The following TRIM59 variants were observed in gnomAD, a reference collection of about 807,000 sequenced individuals.
TRIM59 encodes the protein tripartite motif-containing protein 59.
Under a neutral mutation model 32.2 loss-of-function variants are expected in TRIM59, and 14 were observed. That is an observed-to-expected ratio of 0.43 (90% CI 0.29 to 0.68). The LOEUF (loss-of-function observed/expected upper bound fraction) is 0.68, where lower values mean the gene tolerates loss of function less well. Ranked by LOEUF, TRIM59 falls within the 30% of genes least tolerant of loss-of-function variation. TRIM59 has a pLI of 0.15. For missense variants in TRIM59, 471 were observed against 463.3 expected (o/e 1.02, Z -0.15); for synonymous variants, 163 against 155.1 (o/e 1.05, Z -0.38).
rs1020096623 is a variant in TRIM59 at position 160,435,513 on chromosome 3, AAAG to A, written c.*2456_*2458del. Reference sequence around the variant, plus strand: ...TTAAGACAGTGCAAATAAAATATCAAAAGAAGTTTATTAAAATACATATTTTGT... The same window carrying A: ...TTAAGACAGTGCAAATAAAATATCAAAAGTTTATTAAAATACATATTTTGT... On this transcript the variant is annotated 3_prime_UTR_variant, in exon 3 of 3. Coordinates refer to ENST00000309784, the MANE Select transcript of TRIM59 (RefSeq NM_173084.3). 4.1e-5 allele frequency: 7 copies of A among 171,596 alleles called. No individual in the cohort carries two copies. Among genetic ancestry groups the A allele is most frequent in the East Asian group, 1.7e-4 (1 of 5,794 alleles). The allele number at this position is 171,596 out of a possible 1,614,324, so 10.6% of individuals were successfully genotyped here.
Position 160,436,177 on chromosome 3 carries a change from C to T in TRIM59, c.*1795G>A. 1 of 1,015,030 alleles carries T rather than the reference C, an allele frequency of 9.9e-7. No homozygotes were observed. The highest frequency in any genetic ancestry group is 1.2e-6 in the Non-Finnish European group (1 of 847,228). The allele number at this position is 1,015,030 out of a possible 1,614,324, so 62.9% of individuals were successfully genotyped here. A position where few individuals can be genotyped will look rare whatever the true frequency, so the allele number is the denominator to read the frequency against. On this transcript the variant is annotated 3_prime_UTR_variant, in exon 3 of 3. Coordinates refer to ENST00000309784, the MANE Select transcript of TRIM59 (RefSeq NM_173084.3). ...TAATAAATTGATATAATACAGTCAT[C>T]TTAGTGTTAAGACTTATTCTCAGCA...
Position 160,435,553 on chromosome 3 carries a change from C to A in TRIM59, c.*2419G>T. 6.0e-6 allele frequency: 1 copy of A among 167,802 alleles called. No homozygotes were observed. The highest frequency in any genetic ancestry group is 1.3e-5 in the Non-Finnish European group (1 of 77,578). 10.4% of individuals were successfully genotyped at this position (167,802 alleles called of 1,614,324 possible). On this transcript the variant is annotated 3_prime_UTR_variant, in exon 3 of 3. Coordinates refer to ENST00000309784, the MANE Select transcript of TRIM59 (RefSeq NM_173084.3). ...AATACATATTTTGTTATACATAAAA[C>A]TTAGAAATATTTCAAGATTTACATA... is the stretch of plus-strand genomic sequence containing the variant.
Position 160,449,735 on chromosome 3 carries a change from C to A in TRIM59, c.-92G>T, listed in dbSNP as rs1308950158. On this transcript the variant is annotated 5_prime_UTR_variant, in exon 1 of 3. Transcript: ENST00000309784. The stretch of plus-strand genomic sequence containing the variant: ...GACTCACCGCGGGGAGGAAGCGGAC[C>A]AGGCAACTCCACAGCACGGAAACAC... 7.8e-7 allele frequency: 1 copy of A among 1,289,920 alleles called. No homozygotes were observed. The highest frequency in any genetic ancestry group is 1.0e-6 in the Non-Finnish European group (1 of 988,908). 79.9% of individuals were successfully genotyped at this position (1,289,920 alleles called of 1,614,324 possible).
At position 160,437,662 on chromosome 3, in the gene TRIM59, G is replaced by T; in HGVS notation, c.*310C>A. ...CCAATTAACTGCAGTATATAATAAT[G>T]GTAAAAGACAATATTGGTACAAGAA... On this transcript the variant is annotated 3_prime_UTR_variant, in exon 3 of 3. Coordinates refer to ENST00000309784, the MANE Select transcript of TRIM59 (RefSeq NM_173084.3). 9.8e-7 allele frequency: 1 copy of T among 1,021,664 alleles called. No homozygotes were observed. Among genetic ancestry groups the T allele is most frequent in the Non-Finnish European group, 1.2e-6 (1 of 853,794 alleles). 63.3% of individuals were successfully genotyped at this position (1,021,664 alleles called of 1,614,324 possible).
At chr3:160,448,666 CATACACTCTGTAAAAA>C (rs1719662899) in intron 2 of TRIM59, 44 bp downstream of exon 2, 1 of 1,004,902 alleles carries the variant, frequency 1.0e-6, no homozygotes, top group African/African-American at 1.7e-5. Context: ...TAGTTTAAAT[CATACACTCTGTAAAAA>C]CTTAATTGTT....
At position 160,436,464 on chromosome 3, in the gene TRIM59, G is replaced by C. The variant is rs1444996286; in HGVS notation, c.*1508C>G. 4.1e-6 allele frequency: 4 copies of C among 985,752 alleles called. No individual in the cohort carries two copies. In the African/African-American group the frequency reaches 7.0e-5, roughly 17 times the overall value. The allele number at this position is 985,752 out of a possible 1,614,324, so 61.1% of individuals were successfully genotyped here. ...AGTCCCTGTTAAAGGGAACTAAAGG[G>C]CTTTGATTTAATTGGCCCTCTTAAG... On this transcript the variant is annotated 3_prime_UTR_variant, in exon 3 of 3. Coordinates refer to ENST00000309784, the MANE Select transcript of TRIM59 (RefSeq NM_173084.3).
At chr3:160,448,897 T>A in intron 1 of TRIM59, 102 bp from the exon 2 acceptor site, 4 of 566,612 alleles carry the variant, frequency 7.1e-6, no homozygotes, top group Non-Finnish European at 1.1e-5. Context: ...TTCACGATGC[T>A]TCATCGTGTT....
chr3:160,439,252 G>A, intron 2 of TRIM59, 66 bp from the exon 3 acceptor site: 2 of 1,302,886 alleles, frequency 1.5e-6, no homozygotes, highest in South Asian at 2.2e-5. Flanking sequence ...TAACATTCTA[G>A]GCATTAACCT....
intron 2 of TRIM59, among the ~76,000 whole-genome samples, chr3:160,442,815 G>A (rs1311895929): frequency 6.6e-6 from 1 of 152,138 alleles, no homozygotes; most frequent in Non-Finnish European, 1.5e-5. Context: ...GTTGCTGCCT[G>A]AGAAGTAAAC....
At position 160,437,433 on chromosome 3, in the gene TRIM59, C is replaced by T. The variant is rs549590612; in HGVS notation, c.*539G>A. 9.1e-5 allele frequency: 90 copies of T among 985,382 alleles called. No homozygotes were observed. In the South Asian group the frequency reaches 3.6e-3, roughly 39 times the overall value. The allele number at this position is 985,382 out of a possible 1,614,324, so 61.0% of individuals were successfully genotyped here. A position where few individuals can be genotyped will look rare whatever the true frequency, so the allele number is the denominator to read the frequency against. On this transcript the variant is annotated 3_prime_UTR_variant, in exon 3 of 3. Transcript: ENST00000309784. ...TTTATTTGGAGTGAATGGTGATAAG[C>T]ATTTAGGGCTCTTAAATCTATCTCA...
chr3:160,438,371 C>G lies in TRIM59; in HGVS notation c.813G>C (p.Glu271Asp). Reference protein sequence around the residue: ...VQILKQRPLPEVQPVEIYPRV... With the variant: ...VQILKQRPLPDVQPVEIYPRV... Reference sequence around the variant, plus strand: ...GAGGATAAATTTCAACGGGTTGAACCTCAGGAAGTGGTCTTTGTTTCAAGA... The same window carrying G: ...GAGGATAAATTTCAACGGGTTGAACGTCAGGAAGTGGTCTTTGTTTCAAGA... The change falls in exon 3 of 3, where the codon GAG becomes GAC. Residue 271 changes from glutamate (E) to aspartate (D), a missense_variant. By Grantham distance (45) the Glu-to-Asp change is conservative (BLOSUM62 2). Coordinates refer to ENST00000309784, the MANE Select transcript of TRIM59 (RefSeq NM_173084.3). The G allele has an allele frequency of 6.2e-7, 1 of 1,613,686 alleles. No individual in the cohort carries two copies. The highest frequency in any genetic ancestry group is 8.5e-7 in the Non-Finnish European group (1 of 1,179,954).
intron 2 of TRIM59, among the ~76,000 whole-genome samples, chr3:160,444,971 T>C (rs1438636571): frequency 2.6e-5 from 4 of 151,920 alleles, no homozygotes; most frequent in Admixed American, 2.0e-4. Flanking sequence ...AATTTATTCA[T>C]GTGAAACAAC....
chr3:160,442,520 A>C lies in TRIM59; in HGVS notation c.-3-3334T>G, dbSNP rs181470525. 2.1e-3 allele frequency among the ~76,000 whole-genome samples: 314 copies of C among 152,098 alleles called. 2 individuals carry two copies. Among genetic ancestry groups the C allele is most frequent in the African/African-American group, 7.3e-3 (302 of 41,488 alleles). On this transcript the variant is annotated intron_variant, in intron 2 of 2. Transcript: ENST00000309784. ...GCATGAAATGGCGCAACTGCACTCC[A>C]GCCAGGGCAACAGAGCAAGACTCTG... is the stretch of plus-strand genomic sequence containing the variant.
At chr3:160,441,082 C>G (rs1314767476) in intron 2 of TRIM59, among the ~76,000 whole-genome samples, 1 of 152,224 alleles carries the variant, frequency 6.6e-6, no homozygotes, top group Non-Finnish European at 1.5e-5. Flanking sequence ...CTGTCAAACT[C>G]TTAACTCTTC....
Position 160,435,621 on chromosome 3 carries a change from G to A in TRIM59, c.*2351C>T, listed in dbSNP as rs912315858. The A allele has an allele frequency of 1.2e-5, 2 of 164,778 alleles. No homozygotes were observed. Among genetic ancestry groups the A allele is most frequent in the South Asian group, 1.4e-4 (1 of 7,052 alleles). The allele number at this position is 164,778 out of a possible 1,614,324, so 10.2% of individuals were successfully genotyped here. A position where few individuals can be genotyped will look rare whatever the true frequency, so the allele number is the denominator to read the frequency against. ...TTCCTGCTGGTAAAAATACAAAACAGCAGCATAAGAACCAGTTACTCATAT... is the reference window on the plus strand; with the variant it reads ...TTCCTGCTGGTAAAAATACAAAACAACAGCATAAGAACCAGTTACTCATAT... On this transcript the variant is annotated 3_prime_UTR_variant, in exon 3 of 3. Coordinates refer to ENST00000309784, the MANE Select transcript of TRIM59 (RefSeq NM_173084.3).
chr3:160,437,239 A>AGCT lies in TRIM59; in HGVS notation c.*730_*732dup. The AGCT allele has an allele frequency of 1.7e-6, 1 of 580,332 alleles. No individual in the cohort carries two copies. Among genetic ancestry groups the AGCT allele is most frequent in the Non-Finnish European group, 2.2e-6 (1 of 460,420 alleles). The allele number at this position is 580,332 out of a possible 1,614,324, so 35.9% of individuals were successfully genotyped here. Reference sequence around the variant, plus strand: ...GGCATGGGGGTGTGTGCCTTGTCCCAGCTGCTCCAGAGGCAGAGGCGGGAG... The same window carrying AGCT: ...GGCATGGGGGTGTGTGCCTTGTCCCAGCTGCTGCTCCAGAGGCAGAGGCGGGAG... On this transcript the variant is annotated 3_prime_UTR_variant, in exon 3 of 3. Coordinates refer to ENST00000309784, the MANE Select transcript of TRIM59 (RefSeq NM_173084.3).
At chr3:160,444,344 C>T (rs933388149) in intron 2 of TRIM59, among the ~76,000 whole-genome samples, 13 of 152,066 alleles carry the variant, frequency 8.5e-5, no homozygotes, top group Non-Finnish European at 1.5e-4. Context: ...ATCATGGTTT[C>T]GCTTTTAACT....
Position 160,435,986 on chromosome 3 carries a change from G to T in TRIM59, c.*1986C>A. ...AACATTTCATTGCTTACGTGTTTTT[G>T]AAACTACAGGGCACTTTTATGGTGT... On this transcript the variant is annotated 3_prime_UTR_variant, in exon 3 of 3. Transcript: ENST00000309784. The T allele has an allele frequency of 7.9e-7, 1 of 1,265,244 alleles. No individual in the cohort carries two copies. Among genetic ancestry groups the T allele is most frequent in the Non-Finnish European group, 1.0e-6 (1 of 978,270 alleles). 78.4% of individuals were successfully genotyped at this position (1,265,244 alleles called of 1,614,324 possible).
At position 160,436,510 on chromosome 3, in the gene TRIM59, G is replaced by A; in HGVS notation, c.*1462C>T. The A allele has an allele frequency of 1.0e-6, 1 of 985,740 alleles. No homozygotes were observed. The highest frequency in any genetic ancestry group is 1.2e-6 in the Non-Finnish European group (1 of 829,994). 61.1% of individuals were successfully genotyped at this position (985,740 alleles called of 1,614,324 possible). On this transcript the variant is annotated 3_prime_UTR_variant, in exon 3 of 3. Coordinates refer to ENST00000309784, the MANE Select transcript of TRIM59 (RefSeq NM_173084.3). Reference sequence around the variant, plus strand: ...TTAAGCAAAGCTAATAAAAGATTAAGTTGTTGGGCCGGGCGTGGCGGCTCA... The same window carrying A: ...TTAAGCAAAGCTAATAAAAGATTAAATTGTTGGGCCGGGCGTGGCGGCTCA...
Sources: allele counts gnomAD v4.1 joint callset (sites outside exome capture counted in the v4.1 genomes callset), GRCh38; gene constraint gnomAD v4.1.1; transcripts MANE v1.5; gene names NCBI Gene and HGNC (gene_info 2026-07-23, HGNC 2026-07-21).